MKKS: variants seen among roughly 807,000 people sequenced by gnomAD.
MKKS encodes molecular chaperone MKKS.
A neutral mutation model predicts 33.2 loss-of-function variants in MKKS; 29 were observed. The ratio of observed to expected loss-of-function variants is 0.87; its 90% confidence interval spans 0.65 to 1.19. The LOEUF (loss-of-function observed/expected upper bound fraction) is 1.19. Among genes scored for constraint, MKKS ranks in the 50% most tolerant of loss-of-function variants. MKKS has a pLI of 0.00. For synonymous variants in MKKS, 260 were observed against 244.0 expected, an observed-to-expected ratio of 1.07 and a Z score of -0.61; for missense variants, 661 against 662.3, an observed-to-expected ratio of 1.00 and a Z score of 0.02.
intron 1 of MKKS, chr20:10,431,614 T>C (rs1377007001): frequency 2.6e-5 from 4 of 152,152 alleles, no homozygotes; most frequent in Non-Finnish European, 4.4e-5. Flanking sequence ...GTTGACTCAT[T>C]TTTCAAAATC....
At chr20:10,421,327 G>C (rs1307822590) in intron 1 of MKKS, among the ~76,000 whole-genome samples, 2 of 151,194 alleles carry the variant, frequency 1.3e-5, no homozygotes, top group Admixed American at 1.3e-4. Flanking sequence ...TGGAGGCTGA[G>C]TCAGGAGACT....
chr20:10,411,324 G>A (rs6104604), intron 3 of MKKS, among the ~76,000 whole-genome samples: 20,942 of 151,800 alleles, frequency 0.14, 1,590 homozygotes, highest in East Asian at 0.24. Flanking sequence ...TGTTGCCCAG[G>A]CTGGACTTGA....
At chr20:10,408,484 G>T (rs1474396316) in intron 4 of MKKS, 144 bp downstream of exon 4, 5 of 784,854 alleles carry the variant, frequency 6.4e-6, no homozygotes, top group South Asian at 1.6e-5. Context: ...ATTTAAATTA[G>T]CTTACTTGTG....
chr20:10,402,183 T>G lies in MKKS; in HGVS notation c.*3064A>C, dbSNP rs2064814445. On this transcript the variant is annotated 3_prime_UTR_variant, in exon 6 of 6. Transcript: ENST00000347364. The stretch of plus-strand genomic sequence containing the variant: ...TTTCCTTTTCCACAGCGATCACGGT[T>G]TCCCATTCTCTCTCCTGAGGTACTT... 6.6e-6 allele frequency: 1 copy of G among 152,238 alleles called. No individual in the cohort carries two copies. The highest frequency in any genetic ancestry group is 2.4e-5 in the African/African-American group (1 of 41,462). The allele number at this position is 152,238 out of a possible 1,614,324, so 9.4% of individuals were successfully genotyped here.
intron 2 of MKKS, among the ~76,000 whole-genome samples, chr20:10,418,423 A>G (rs2064956371): frequency 6.6e-6 from 1 of 152,220 alleles, no homozygotes; most frequent in Non-Finnish European, 1.5e-5. Context: ...AATGAAAATA[A>G]GAATAGAAAA....
At chr20:10,429,188 C>T (rs2065036905) in intron 1 of MKKS, among the ~76,000 whole-genome samples, 1 of 152,150 alleles carries the variant, frequency 6.6e-6, no homozygotes, top group Non-Finnish European at 1.5e-5. Flanking sequence ...TTTCATTCTC[C>T]ATGGAAAGTG....
chr20:10,412,852 T>C lies in MKKS; in HGVS notation c.663A>G (p.Glu221=), dbSNP rs1432169288. ...DSTVLPGILI[E]MSEVQLMRLL... ...GCCTCATTAATTGAACTTCTGACAT[T>C]TCAATGAGTATCCCAGGTAATACAG... The change falls in exon 3 of 6, where the codon GAA becomes GAG. Residue 221 remains glutamate (E), a synonymous_variant. Transcript: ENST00000347364. 2.5e-6 allele frequency: 4 copies of C among 1,614,202 alleles called. No individual in the cohort carries two copies. Among genetic ancestry groups the C allele is most frequent in the Non-Finnish European group, 3.4e-6 (4 of 1,180,018 alleles).
intron 1 of MKKS, among the ~76,000 whole-genome samples, chr20:10,431,411 CA>C (rs2065052835): frequency 6.6e-6 from 1 of 152,064 alleles, no homozygotes; most frequent in South Asian, 2.1e-4. Flanking sequence ...CTACTAGCCT[CA>C]GGGGGGAACT....
intron 1 of MKKS, among the ~76,000 whole-genome samples, chr20:10,431,176 C>A (rs1484661013): frequency 6.6e-6 from 1 of 151,922 alleles, no homozygotes; most frequent in African/African-American, 2.4e-5. Flanking sequence ...AAATAGGCAC[C>A]CCTGGAGGTT....
intron 1 of MKKS, among the ~76,000 whole-genome samples, chr20:10,423,472 T>C (rs73260066): frequency 0.14 from 21,792 of 152,082 alleles, 1,755 homozygotes; most frequent in East Asian, 0.24. Flanking sequence ...AAGGATGTAA[T>C]AATAAAATTG....
intron 2 of MKKS, among the ~76,000 whole-genome samples, chr20:10,415,376 A>C (rs2064930560): frequency 6.6e-6 from 1 of 152,170 alleles, no homozygotes; most frequent in African/African-American, 2.4e-5. Flanking sequence ...ATGTGCAAAG[A>C]GGTGGGCAGA....
chr20:10,433,790 C>G (rs987657500), intron 1 of MKKS, among the ~76,000 whole-genome samples: 4 of 152,138 alleles, frequency 2.6e-5, no homozygotes, highest in African/African-American at 7.2e-5. Flanking sequence ...CGGGGAGTCA[C>G]AGGTTCGGCG....
intron 1 of MKKS, among the ~76,000 whole-genome samples, chr20:10,433,773 G>A (rs1260104469): frequency 6.6e-6 from 1 of 152,144 alleles, no homozygotes; most frequent in Non-Finnish European, 1.5e-5. Flanking sequence ...CCCAGCGAGG[G>A]AGGGGACGGG....
rs545262884 is a variant in MKKS, at chr20:10,429,408, A to G, written c.-649+4700T>C. Among the ~76,000 whole-genome samples the G allele has an allele frequency of 1.2e-4, 18 of 152,246 alleles. No individual in the cohort carries two copies. In the South Asian group the frequency reaches 2.1e-3, roughly 18 times the overall value. ...CCTGGGCGGTCTCATTCAATCCCCAAACTTCTATGATCATGCATCCACTCT... is the reference window on the plus strand; with the variant it reads ...CCTGGGCGGTCTCATTCAATCCCCAGACTTCTATGATCATGCATCCACTCT... On this transcript the variant is annotated intron_variant, in intron 1 of 5. Coordinates refer to ENST00000347364, the MANE Select transcript of MKKS (RefSeq NM_170784.3).
chr20:10,427,882 C>A (rs2065026813), intron 1 of MKKS, among the ~76,000 whole-genome samples: 3 of 152,190 alleles, frequency 2.0e-5, no homozygotes, highest in Admixed American at 2.0e-4. Flanking sequence ...CCCACCAAAC[C>A]ATTCAAGGTC....
chr20:10,427,081 A>ACACACACACACACACAC (rs1289564841), intron 1 of MKKS, among the ~76,000 whole-genome samples: 3 of 85,794 alleles, frequency 3.5e-5, no homozygotes, highest in Admixed American at 1.1e-4. Flanking sequence ...CACACACACA[A>ACACACACACACACACAC]AGTAAGGTTA....
Position 10,408,661 on chromosome 20 carries a change from G to T in MKKS, c.1128C>A (p.Cys376Ter). ...NEATICSLLL[C>*]NRNDTAWDEL... ...CATCCCAGGCAGTGTCATTTCTGTT[G>T]CAGAGAAGCAAGCTGCAGATTGTTG... The change falls in exon 4 of 6, where the codon TGC becomes TGA. Residue 376 changes from cysteine (C) to a stop codon, truncating the protein, a stop_gained. Transcript: ENST00000347364. LOFTEE classifies it high-confidence loss of function. 1 of 1,613,992 alleles carries T rather than the reference G, an allele frequency of 6.2e-7. No homozygotes were observed. The highest frequency in any genetic ancestry group is 2.2e-5 in the East Asian group (1 of 44,850).
At chr20:10,419,665 A>G (rs13433220) in intron 2 of MKKS, among the ~76,000 whole-genome samples, 21,919 of 152,186 alleles carry the variant, frequency 0.14, 1,780 homozygotes, top group East Asian at 0.24. Context: ...GTAAAGTAAC[A>G]GTTACCTGAA....
rs1224076315 is a variant in MKKS, at chr20:10,404,800, CTTT to C, written c.*444_*446del. On this transcript the variant is annotated 3_prime_UTR_variant, in exon 6 of 6. Coordinates refer to ENST00000347364, the MANE Select transcript of MKKS (RefSeq NM_170784.3). ...TACTAAATGTGCAGTTTGAATACTT[CTTT>C]TGATTGAGCAATATATACTGAATGT... 1 of 153,190 alleles carries C rather than the reference CTTT, an allele frequency of 6.5e-6. No homozygotes were observed. The highest frequency in any genetic ancestry group is 2.4e-5 in the African/African-American group (1 of 41,436). The allele number at this position is 153,190 out of a possible 1,614,324, so 9.5% of individuals were successfully genotyped here. A position where few individuals can be genotyped will look rare whatever the true frequency, so the allele number is the denominator to read the frequency against.
Sources: allele counts gnomAD v4.1 joint callset (sites outside exome capture counted in the v4.1 genomes callset), GRCh38; gene constraint gnomAD v4.1.1; transcripts MANE v1.5; gene names NCBI Gene and HGNC (gene_info 2026-07-23, HGNC 2026-07-21).